The following ALG5 variants were observed in gnomAD, a reference collection of about 807,000 sequenced individuals.
ALG5 encodes ALG5 dolichyl-phosphate beta-glucosyltransferase, also known as dolichyl-phosphate beta-glucosyltransferase.
A neutral mutation model predicts 51.8 loss-of-function variants in ALG5; 26 were observed. The observed-to-expected ratio is 0.50, with a 90% CI of 0.37 to 0.70. The LOEUF is 0.70. Among genes scored for constraint, ALG5 ranks in the 30% least tolerant of loss-of-function variants. The pLI, the probability that ALG5 is intolerant of heterozygous loss-of-function variation, is 0.00. For missense variants in ALG5, 311 were observed against 399.3 expected (o/e 0.78, Z 1.88); for synonymous variants, 141 against 136.1 (o/e 1.04, Z -0.25).
At chr13:36,958,193 A>G (rs111782540) in intron 8 of ALG5, among the ~76,000 whole-genome samples, 10,028 of 151,342 alleles carry the variant, frequency 0.066, 738 homozygotes, top group African/African-American at 0.19. Flanking sequence ...TTTCACTCTC[A>G]CCGCACCCCC....
At chr13:36,974,812 GACACCTAAA>G (rs1165285932) in intron 6 of ALG5, among the ~76,000 whole-genome samples, 1 of 151,500 alleles carries the variant, frequency 6.6e-6, no homozygotes, top group Non-Finnish European at 1.5e-5. Context: ...GTACCACTAT[GACACCTAAA>G]ACACCAATAA....
In ALG5 at chr13:36,977,630, A is replaced by G. The variant is rs148909284; in HGVS notation, c.562-5594T>C. On this transcript the variant is annotated intron_variant, in intron 6 of 9. Transcript: ENST00000239891. Reference sequence around the variant, plus strand: ...AACATGGTGAAACCCCGTCTCTACTAAAAATACAAAAATCAGCCAGGCATG... The same window carrying G: ...AACATGGTGAAACCCCGTCTCTACTGAAAATACAAAAATCAGCCAGGCATG... 6.0e-3 allele frequency among the ~76,000 whole-genome samples: 917 copies of G among 151,796 alleles called. 12 individuals are homozygous for G. Among genetic ancestry groups the G allele is most frequent in the African/African-American group, 0.021 (889 of 41,396 alleles).
chr13:36,982,669 G>GT (rs1318696142), intron 6 of ALG5, among the ~76,000 whole-genome samples: 1 of 152,194 alleles, frequency 6.6e-6, no homozygotes, highest in Non-Finnish European at 1.5e-5. Context: ...ACTTCAGAAT[G>GT]TAAGTTTTCT....
At chr13:36,999,361 G>A, upstream of ALG5, 2 of 1,437,228 alleles carry the variant, frequency 1.4e-6, no homozygotes, top group Non-Finnish European at 1.8e-6. Context: ...GCGCGCCCGC[G>A]CGACCCGGCC....
Position 36,985,636 on chromosome 13 carries a change from C to T in ALG5, c.552G>A (p.Gln184=). 5.0e-6 allele frequency: 8 copies of T among 1,612,544 alleles called. No homozygotes were observed. In the South Asian group the frequency reaches 8.8e-5, roughly 18 times the overall value. Residue 184 remains glutamine (Q), a synonymous_variant, in exon 6 of 10, where the codon CAG becomes CAA. Coordinates refer to ENST00000239891, the MANE Select transcript of ALG5 (RefSeq NM_013338.5). ...ACATTCTTATACTCACAGGCCAAGG[C>T]TGTAGATCATTTAGCCCCTTTTCTA... ...EKLEKGLNDL[Q]PWPNQMAIAC... is the part of the protein sequence containing the mutation.
chr13:36,974,332 ATGAC>A (rs2058940034), intron 6 of ALG5, among the ~76,000 whole-genome samples: 1 of 152,186 alleles, frequency 6.6e-6, no homozygotes, highest in Non-Finnish European at 1.5e-5. Context: ...TGAATTTTGA[ATGAC>A]TAACAAAAAT....
intron 8 of ALG5, among the ~76,000 whole-genome samples, chr13:36,955,686 GAAAAA>G (rs35130767): frequency 5.5e-5 from 2 of 36,478 alleles, no homozygotes; most frequent in African/African-American, 1.4e-4. Context: ...CAGAGATTGT[GAAAAA>G]AAAAAAAAAA....
At chr13:36,954,320 C>T (rs1425658642) in intron 8 of ALG5, among the ~76,000 whole-genome samples, 2 of 151,984 alleles carry the variant, frequency 1.3e-5, no homozygotes, top group Non-Finnish European at 2.9e-5. Context: ...TTATCTAGCC[C>T]TCTTTTTGAA....
intron 8 of ALG5, among the ~76,000 whole-genome samples, chr13:36,961,312 G>A (rs1036441515): frequency 2.0e-5 from 3 of 152,112 alleles, no homozygotes; most frequent in African/African-American, 7.2e-5. Flanking sequence ...CTACTCAGCA[G>A]GCTGAGGTGG....
intron 5 of ALG5, 57 bp from the exon 6 acceptor site, chr13:36,985,797 T>C (rs2058999486): frequency 1.7e-6 from 2 of 1,165,042 alleles, no homozygotes; most frequent in Non-Finnish European, 2.5e-6. Flanking sequence ...TTAAATTCAA[T>C]GACACTTCAG....
Position 36,969,795 on chromosome 13 carries a change from AAAGTGCTGGGATTAC to A in ALG5, c.621+2167_621+2181del, listed in dbSNP as rs1377535111. ...GGTGATCCGCCTGCCTCGGCCTCTC[AAAGTGCTGGGATTAC>A]AGGTGTGAGCCACTGTGTCCAGCCT... On this transcript the variant is annotated intron_variant, in intron 7 of 9. Transcript: ENST00000239891. Among the ~76,000 whole-genome samples, 54 of 152,290 alleles carry A rather than the reference AAAGTGCTGGGATTAC, an allele frequency of 3.5e-4. 1 individual carries two copies. Among genetic ancestry groups the A allele is most frequent in the Admixed American group, 1.7e-3 (26 of 15,290 alleles).
rs1290879464 is a variant in ALG5, at chr13:36,997,440, T to TG, written c.66+1794dup. Among the ~76,000 whole-genome samples, 3 of 121,234 alleles carry TG rather than the reference T, an allele frequency of 2.5e-5. No homozygotes were observed. The Admixed American group carries it at 3.4e-4, about 14-fold the overall frequency. 79.5% of individuals were successfully genotyped at this position (121,234 alleles called of 152,430 possible). A position where few individuals can be genotyped will look rare whatever the true frequency, so the allele number is the denominator to read the frequency against. ...AAGATCACACCACTGCACTCCAGCC[T>TG]GGGTGACAAGAGCCAGACTCCGTCT... is the stretch of plus-strand genomic sequence containing the variant. On this transcript the variant is annotated intron_variant, in intron 1 of 9. Coordinates refer to ENST00000239891, the MANE Select transcript of ALG5 (RefSeq NM_013338.5).
intron 2 of ALG5, 119 bp downstream of exon 2, chr13:36,995,306 G>T: frequency 9.3e-7 from 1 of 1,076,012 alleles, no homozygotes; most frequent in East Asian, 2.5e-5. Flanking sequence ...ATTATCAACT[G>T]TGTGCTCAAC....
At chr13:36,995,623 C>CA in intron 1 of ALG5, 27 bp from the exon 2 acceptor site, 4 of 1,580,180 alleles carry the variant, frequency 2.5e-6, no homozygotes, top group Non-Finnish European at 3.4e-6. Context: ...ATGTCTTTTA[C>CA]AAAACAGAAA....
intron 1 of ALG5, 113 bp from the exon 2 acceptor site, chr13:36,995,709 A>G: frequency 2.0e-6 from 2 of 1,019,760 alleles, no homozygotes; most frequent in East Asian, 2.6e-5. Flanking sequence ...ACTCACTCTC[A>G]GGTTTTAGTT....
chr13:36,977,027 C>CT (rs1286814438), intron 6 of ALG5, among the ~76,000 whole-genome samples: 1 of 152,092 alleles, frequency 6.6e-6, no homozygotes, highest in Non-Finnish European at 1.5e-5. Flanking sequence ...TAACTAAAAA[C>CT]AAATCAAAAT....
intron 2 of ALG5, 125 bp from the exon 3 acceptor site, chr13:36,995,160 C>A: frequency 1.2e-6 from 1 of 857,836 alleles, no homozygotes; most frequent in South Asian, 1.7e-5. Flanking sequence ...TCCCAATGGT[C>A]ATTCCCATCT....
intron 4 of ALG5, 92 bp downstream of exon 4, chr13:36,993,512 G>C: frequency 9.5e-7 from 1 of 1,057,620 alleles, no homozygotes; most frequent in Non-Finnish European, 1.5e-6. Context: ...CACAGCTTTA[G>C]GGTCCCCTGG....
At chr13:36,976,762 T>A (rs143665703) in intron 6 of ALG5, among the ~76,000 whole-genome samples, 3 of 141,072 alleles carry the variant, frequency 2.1e-5, no homozygotes, top group African/African-American at 8.0e-5. Flanking sequence ...AAAAAAAAAA[T>A]TGTGTTATAT....
Sources: gnomAD v4.1 joint callset for allele counts (sites outside exome capture counted in the v4.1 genomes callset) on GRCh38, gnomAD v4.1.1 for gene constraint, MANE v1.5 for transcripts, NCBI Gene and HGNC (gene_info 2026-07-23, HGNC 2026-07-21) for gene names.